Variants in ACYP2 observed in about 807,000 individuals in gnomAD.
The protein encoded by ACYP2 is acylphosphatase-2.
A neutral mutation model predicts 11.2 loss-of-function variants in ACYP2; 12 were observed. That is an observed-to-expected ratio of 1.08 (90% confidence interval 0.69 to 1.74). The LOEUF is 1.74. Ranked by LOEUF, ACYP2 falls within the 40% of genes most tolerant of loss-of-function variation. The pLI is 0.00. For synonymous variants in ACYP2, 43 were observed against 32.2 expected, an observed-to-expected ratio of 1.33 and a Z score of -1.13; for missense variants, 134 against 101.9, an observed-to-expected ratio of 1.31 and a Z score of -1.35.
chr2:54,014,383 G>A (rs539166872), intron 2 of ACYP2, among the ~76,000 whole-genome samples: 5 of 151,852 alleles, frequency 3.3e-5, no homozygotes, highest in African/African-American at 9.7e-5. Context: ...GCAGTGGCAC[G>A]AACTTGGCTC....
chr2:54,034,341 G>A (rs1224976530), intron 2 of ACYP2, among the ~76,000 whole-genome samples: 1 of 152,204 alleles, frequency 6.6e-6, no homozygotes, highest in Non-Finnish European at 1.5e-5. Flanking sequence ...TTGGGCAGCA[G>A]AGTGAGACTC....
At chr2:54,003,888 C>T (rs555934127) in intron 2 of ACYP2, among the ~76,000 whole-genome samples, 17 of 152,322 alleles carry the variant, frequency 1.1e-4, no homozygotes, top group South Asian at 1.0e-3. Flanking sequence ...TCTAGCTCCT[C>T]GCTAGCATTT....
intron 6 of ACYP2, among the ~76,000 whole-genome samples, chr2:54,268,080 G>C (rs1688119463): frequency 6.6e-6 from 1 of 152,180 alleles, no homozygotes; most frequent in Non-Finnish European, 1.5e-5. Context: ...AATATGGAAA[G>C]CCTTGATTTT....
intron 4 of ACYP2, among the ~76,000 whole-genome samples, chr2:54,113,380 C>T (rs1679561206): frequency 6.6e-6 from 1 of 151,910 alleles, no homozygotes; most frequent in South Asian, 2.1e-4. Flanking sequence ...GTAGCTGGGA[C>T]TACAGGCACA....
intron 4 of ACYP2, among the ~76,000 whole-genome samples, chr2:54,104,879 T>C (rs1331582666): frequency 6.6e-6 from 1 of 152,138 alleles, no homozygotes; most frequent in South Asian, 2.1e-4. Flanking sequence ...TGATAGGGGA[T>C]TGCACAAAAA....
At chr2:54,303,054 C>T (rs1434927186) in intron 6 of ACYP2, among the ~76,000 whole-genome samples, 3 of 152,104 alleles carry the variant, frequency 2.0e-5, no homozygotes, top group Non-Finnish European at 2.9e-5. Flanking sequence ...AGCATAGTGC[C>T]GAACAAATTG....
chr2:54,290,681 C>T (rs1689264663), intron 6 of ACYP2, among the ~76,000 whole-genome samples: 1 of 152,040 alleles, frequency 6.6e-6, no homozygotes, highest in Non-Finnish European at 1.5e-5. Flanking sequence ...ATGGCATCCC[C>T]CAACCCCAAC....
At chr2:54,070,699 A>G (rs1364038105) in intron 4 of ACYP2, among the ~76,000 whole-genome samples, 1 of 152,170 alleles carries the variant, frequency 6.6e-6, no homozygotes. Flanking sequence ...ATGAAAATAA[A>G]ATATAATTCA....
At chr2:54,188,265 A>G (rs1182439389) in intron 6 of ACYP2, among the ~76,000 whole-genome samples, 1 of 152,130 alleles carries the variant, frequency 6.6e-6, no homozygotes, top group African/African-American at 2.4e-5. Flanking sequence ...CTTAAAACAC[A>G]CTCTTTAAAA....
chr2:54,280,197 G>A (rs192093437), intron 6 of ACYP2, among the ~76,000 whole-genome samples: 1 of 152,344 alleles, frequency 6.6e-6, no homozygotes, highest in East Asian at 1.9e-4. Flanking sequence ...AGAACCTGAT[G>A]TAAGTCAGGG....
At chr2:54,238,635 C>G (rs1289342821) in intron 6 of ACYP2, among the ~76,000 whole-genome samples, 1 of 151,768 alleles carries the variant, frequency 6.6e-6, no homozygotes, top group Non-Finnish European at 1.5e-5. Context: ...TTTAAATTAA[C>G]TATCTCATTT....
intron 4 of ACYP2, among the ~76,000 whole-genome samples, chr2:54,081,911 G>A (rs1244962327): frequency 1.3e-5 from 2 of 152,220 alleles, no homozygotes; most frequent in Non-Finnish European, 2.9e-5. Flanking sequence ...TAACAGGGAT[G>A]ATTAGGCCAC....
intron 6 of ACYP2, among the ~76,000 whole-genome samples, chr2:54,233,985 C>T (rs371737450): frequency 6.6e-6 from 1 of 152,274 alleles, no homozygotes; most frequent in Non-Finnish European, 1.5e-5. Flanking sequence ...GTCTTTTTCA[C>T]ATTAGTAACT....
chr2:54,188,313 G>T (rs1330261219), intron 6 of ACYP2, among the ~76,000 whole-genome samples: 2 of 152,060 alleles, frequency 1.3e-5, no homozygotes, highest in East Asian at 1.9e-4. Context: ...ATGGAGAAAA[G>T]AATTTAGGAT....
intron 6 of ACYP2, among the ~76,000 whole-genome samples, chr2:54,302,965 A>T (rs1003308708): frequency 6.6e-6 from 1 of 152,178 alleles, no homozygotes; most frequent in Non-Finnish European, 1.5e-5. Context: ...CTCTTTTCTC[A>T]TCAATAACTG....
chr2:54,215,969 T>A (rs1685543555), intron 6 of ACYP2, among the ~76,000 whole-genome samples: 1 of 152,202 alleles, frequency 6.6e-6, no homozygotes, highest in Non-Finnish European at 1.5e-5. Flanking sequence ...GCATTTGGGA[T>A]CAGGCTGAGG....
At chr2:53,995,380 A>G (rs1672521296) in intron 2 of ACYP2, among the ~76,000 whole-genome samples, 1 of 152,162 alleles carries the variant, frequency 6.6e-6, no homozygotes, top group Admixed American at 6.5e-5. Context: ...TGCATAAATC[A>G]TCACATTTCT....
intron 6 of ACYP2, among the ~76,000 whole-genome samples, chr2:54,189,678 G>T (rs1404646715): frequency 1.3e-5 from 2 of 152,142 alleles, no homozygotes; most frequent in African/African-American, 4.8e-5. Context: ...TGAGAGTGCA[G>T]ATATCTTTAC....
chr2:54,149,623 C>T (rs1057499114), intron 6 of ACYP2, among the ~76,000 whole-genome samples: 4 of 152,052 alleles, frequency 2.6e-5, no homozygotes, highest in African/African-American at 9.7e-5. Flanking sequence ...AATATATTTT[C>T]CATAAAGACT....
Sources: gnomAD v4.1 joint callset for allele counts (sites outside exome capture counted in the v4.1 genomes callset) on GRCh38, gnomAD v4.1.1 for gene constraint, MANE v1.5 for transcripts, NCBI Gene and HGNC (gene_info 2026-07-23, HGNC 2026-07-21) for gene names.